The following PTPRT variants were observed in gnomAD, a reference collection of about 807,000 sequenced individuals.
The protein encoded by PTPRT is protein tyrosine phosphatase receptor type T.
In PTPRT, 56 loss-of-function variants were observed where a neutral mutation model predicts 176.8. The observed-to-expected ratio is 0.32, with a 90% CI of 0.26 to 0.40. PTPRT has a LOEUF of 0.40. Ranked by LOEUF, PTPRT falls within the 10% of genes least tolerant of loss-of-function variation. The pLI is 1.00. For synonymous variants in PTPRT, 783 were observed against 739.0 expected (o/e 1.06, Z -0.96); for missense variants, 1,540 against 1,908.2 (o/e 0.81, Z 3.60).
intron 12 of PTPRT, among the ~76,000 whole-genome samples, chr20:42,311,752 A>G (rs2057633962): frequency 6.6e-6 from 1 of 150,786 alleles, no homozygotes; most frequent in African/African-American, 2.4e-5. Flanking sequence ...TATAGTTTTG[A>G]TTTTCATGTT....
chr20:42,557,645 C>T (rs369712167), intron 7 of PTPRT, among the ~76,000 whole-genome samples: 1 of 152,058 alleles, frequency 6.6e-6, no homozygotes, highest in Non-Finnish European at 1.5e-5. Flanking sequence ...AGCAAGGGGA[C>T]AGAAAGTCAT....
intron 7 of PTPRT, among the ~76,000 whole-genome samples, chr20:42,632,758 A>T (rs1020259794): frequency 2.6e-5 from 4 of 151,488 alleles, no homozygotes; most frequent in African/African-American, 4.8e-5. Flanking sequence ...AGCTTTCCTG[A>T]GTTCTGTGAG....
At chr20:42,279,095 T>A (rs184252081) in intron 13 of PTPRT, among the ~76,000 whole-genome samples, 4 of 152,252 alleles carry the variant, frequency 2.6e-5, no homozygotes, top group Non-Finnish European at 5.9e-5. Flanking sequence ...AATAATAGTT[T>A]TAAATCCAAA....
chr20:42,119,012 G>GAA (rs1987439836), intron 20 of PTPRT, among the ~76,000 whole-genome samples: 3 of 29,168 alleles, frequency 1.0e-4, no homozygotes, highest in Non-Finnish European at 1.6e-4. Context: ...CAGAAAGGAA[G>GAA]GAAAAAAAAA....
Position 42,084,779 on chromosome 20 carries a change from G to C in PTPRT, c.4039C>G (p.Pro1347Ala). Residue 1347 changes from proline (P) to alanine (A), a missense_variant, in exon 29 of 31, where the codon CCC (proline) becomes GCC (alanine). Pro to Ala is a conservative substitution (Grantham distance 27). Transcript: ENST00000373187. ...YIGWPAYRDT[P>A]PSKRSLLKVV... ...TTGAGCAGAGAGCGCTTGGAGGGGG[G>C]CGTGTCCCGGTAGGCAGGCCAGCCA... The C allele has an allele frequency of 6.4e-7, 1 of 1,557,792 alleles. No homozygotes were observed. The highest frequency in any genetic ancestry group is 1.3e-5 in the South Asian group (1 of 78,662).
In PTPRT at chr20:43,018,426, A is replaced by G. The variant is rs113331254; in HGVS notation, c.89-132494T>C. ...TAAAACATCTAAGAAGAAATACAGG[A>G]CTGTATCCCATGATCTGAAGGATGA... On this transcript the variant is annotated intron_variant, in intron 1 of 30. Transcript: ENST00000373187. Among the ~76,000 whole-genome samples, 149 of 152,348 alleles carry G rather than the reference A, an allele frequency of 9.8e-4. 1 individual carries two copies. The highest frequency in any genetic ancestry group is 3.0e-3 in the African/African-American group (124 of 41,580).
chr20:42,207,186 T>C (rs1350026250), intron 15 of PTPRT, among the ~76,000 whole-genome samples: 2 of 151,814 alleles, frequency 1.3e-5, no homozygotes, highest in South Asian at 4.2e-4. Context: ...ACCACAAAGA[T>C]GGGGAAAAAA....
chr20:42,696,221 C>T (rs894300923), intron 6 of PTPRT, among the ~76,000 whole-genome samples: 1 of 150,912 alleles, frequency 6.6e-6, no homozygotes, highest in Non-Finnish European at 1.5e-5. Context: ...TTCTCACTTT[C>T]CCCTGATCTC....
At chr20:43,005,788 A>G (rs1011907503) in intron 1 of PTPRT, among the ~76,000 whole-genome samples, 1 of 151,848 alleles carries the variant, frequency 6.6e-6, no homozygotes, top group East Asian at 2.1e-4. Flanking sequence ...ACCTTATACA[A>G]TTTTAAAAGA....
At chr20:42,496,377 C>CA (rs1161091760) in intron 7 of PTPRT, among the ~76,000 whole-genome samples, 1 of 152,192 alleles carries the variant, frequency 6.6e-6, no homozygotes, top group Non-Finnish European at 1.5e-5. Context: ...GCTTTAGTTT[C>CA]AGTGCCTGTT....
chr20:42,797,154 C>T (rs1271211129), intron 2 of PTPRT, among the ~76,000 whole-genome samples: 2 of 152,128 alleles, frequency 1.3e-5, no homozygotes, highest in Non-Finnish European at 2.9e-5. Context: ...AATCTGCTGC[C>T]CCGTCTCCAC....
chr20:43,086,940 C>T (rs74528357), intron 1 of PTPRT, among the ~76,000 whole-genome samples: 10,414 of 152,240 alleles, frequency 0.068, 403 homozygotes, highest in South Asian at 0.14. Flanking sequence ...AAAATTCACC[C>T]TTTATAGATG....
intron 2 of PTPRT, among the ~76,000 whole-genome samples, chr20:42,837,246 C>T (rs1358044189): frequency 6.6e-6 from 1 of 152,214 alleles, no homozygotes; most frequent in African/African-American, 2.4e-5. Flanking sequence ...CCCTTGGATC[C>T]CCACTGTGAG....
downstream of PTPRT, among the ~76,000 whole-genome samples, chr20:42,070,867 A>G (rs1362395786): frequency 6.6e-6 from 1 of 152,140 alleles, no homozygotes; most frequent in East Asian, 1.9e-4. Context: ...ATATGCCCCC[A>G]AATATTTTTT....
At chr20:42,391,637 C>T (rs1403230274) in intron 9 of PTPRT, among the ~76,000 whole-genome samples, 1 of 152,056 alleles carries the variant, frequency 6.6e-6, no homozygotes, top group Non-Finnish European at 1.5e-5. Flanking sequence ...TTTTTAAAGC[C>T]TAAAGAGCGG....
intron 1 of PTPRT, among the ~76,000 whole-genome samples, chr20:42,896,660 AATCAAG>A (rs910157180): frequency 1.3e-5 from 2 of 151,890 alleles, no homozygotes; most frequent in Non-Finnish European, 2.9e-5. Flanking sequence ...AAAAAATAGA[AATCAAG>A]ATGGTGATAG....
At chr20:43,060,961 A>G (rs527813534) in intron 1 of PTPRT, among the ~76,000 whole-genome samples, 6 of 152,338 alleles carry the variant, frequency 3.9e-5, no homozygotes, top group African/African-American at 9.6e-5. Context: ...TAAGATCTAC[A>G]TACTTTACAG....
At chr20:42,338,519 T>G (rs1466348765) in intron 11 of PTPRT, among the ~76,000 whole-genome samples, 2 of 152,210 alleles carry the variant, frequency 1.3e-5, no homozygotes, top group Admixed American at 1.3e-4. Flanking sequence ...TCTTGGAAAC[T>G]AATTTCAATT....
intron 5 of PTPRT, among the ~76,000 whole-genome samples, chr20:42,764,679 C>T (rs1440560918): frequency 2.6e-5 from 4 of 152,212 alleles, no homozygotes; most frequent in Non-Finnish European, 4.4e-5. Flanking sequence ...CCATCTAAGG[C>T]TCAGTCTCCT....
Sources: gnomAD v4.1 joint callset for allele counts (sites outside exome capture counted in the v4.1 genomes callset) on GRCh38, gnomAD v4.1.1 for gene constraint, MANE v1.5 for transcripts, NCBI Gene and HGNC (gene_info 2026-07-23, HGNC 2026-07-21) for gene names.